The following CSMD3 variants were observed in gnomAD, a reference collection of about 807,000 sequenced individuals.
CSMD3 encodes CUB and sushi domain-containing protein 3.
Under a neutral mutation model 435.2 loss-of-function variants are expected in CSMD3, and 177 were observed. The observed-to-expected ratio is 0.41, with a 90% CI of 0.36 to 0.46. CSMD3 has a LOEUF of 0.46. CSMD3 is among the 20% of genes least tolerant of loss of function. CSMD3 has a pLI of 0.34. For synonymous variants in CSMD3, 1,656 were observed against 1,520.5 expected, an observed-to-expected ratio of 1.09 and a Z score of -2.07; for missense variants, 4,265 against 4,504.6, an observed-to-expected ratio of 0.95 and a Z score of 1.52.
chr8:113,037,192 G>C (rs189743261), intron 5 of CSMD3, among the ~76,000 whole-genome samples: 2 of 152,174 alleles, frequency 1.3e-5, no homozygotes, highest in African/African-American at 4.8e-5. Flanking sequence ...ACAATTTGTA[G>C]TGACATAATC....
intron 5 of CSMD3, among the ~76,000 whole-genome samples, chr8:113,060,829 G>A (rs1358892733): frequency 1.3e-5 from 2 of 152,048 alleles, no homozygotes; most frequent in African/African-American, 2.4e-5. Flanking sequence ...ACCCTGCATC[G>A]CAAATCAGCT....
chr8:112,638,906 G>A lies in CSMD3; in HGVS notation c.3316C>T (p.Gln1106Ter), dbSNP rs2131590229. The A allele has an allele frequency of 1.2e-6, 2 of 1,603,246 alleles. No individual in the cohort carries two copies. The highest frequency in any genetic ancestry group is 1.7e-6 in the Non-Finnish European group (2 of 1,170,452). The change falls in exon 21 of 71, where the codon CAG becomes TAG. Residue 1106 changes from glutamine to a stop codon, truncating the protein, a stop_gained. Coordinates refer to ENST00000297405, the MANE Select transcript of CSMD3 (RefSeq NM_198123.2). LOFTEE classifies it high-confidence loss of function. ...TVDVTHGKGV[Q>*]FNFHTFHLED... ...AAATGAAAAGTGTGGAAGTTGAACT[G>A]CACACCTATTAAGAAAAATAGAAAC...
At chr8:112,552,259 C>CAGG (rs77609310) in intron 26 of CSMD3, among the ~76,000 whole-genome samples, 37,227 of 151,718 alleles carry the variant, frequency 0.25, 4,843 homozygotes, top group East Asian at 0.47. Flanking sequence ...CTTTGGGAGG[C>CAGG]AGAATTGCTT....
chr8:112,358,266 A>G (rs918784715), intron 38 of CSMD3, among the ~76,000 whole-genome samples: 2 of 152,150 alleles, frequency 1.3e-5, no homozygotes, highest in Non-Finnish European at 2.9e-5. Context: ...TCTCGGAAGT[A>G]AACTGCTTTT....
At chr8:112,798,155 G>A (rs1433521736) in intron 13 of CSMD3, among the ~76,000 whole-genome samples, 1 of 151,864 alleles carries the variant, frequency 6.6e-6, no homozygotes, top group Non-Finnish European at 1.5e-5. Context: ...CTTGAAGGAT[G>A]AGCGAGAAGG....
chr8:113,076,560 CTTAA>C (rs1031871964), intron 5 of CSMD3, among the ~76,000 whole-genome samples: 20 of 152,040 alleles, frequency 1.3e-4, no homozygotes, highest in African/African-American at 4.3e-4. Context: ...TATTAAATCT[CTTAA>C]TTAAGATTAC....
intron 22 of CSMD3, among the ~76,000 whole-genome samples, chr8:112,597,508 C>T (rs1410553059): frequency 1.6e-5 from 2 of 124,088 alleles, no homozygotes; most frequent in Non-Finnish European, 3.3e-5. Context: ...TCCTCCCTAA[C>T]TCATTTTATG....
At chr8:112,893,821 A>G (rs1300496619) in intron 10 of CSMD3, among the ~76,000 whole-genome samples, 2 of 151,466 alleles carry the variant, frequency 1.3e-5, no homozygotes, top group Non-Finnish European at 3.0e-5. Context: ...TGTGTACTGT[A>G]CAAGTACAAG....
In CSMD3 at chr8:112,291,842, A is replaced by G; in HGVS notation, c.8789-147T>C. The G allele has an allele frequency of 4.8e-6, 3 of 629,328 alleles. No individual in the cohort carries two copies. The East Asian group carries it at 8.4e-5, about 18-fold the overall frequency. The allele number at this position is 629,328 out of a possible 1,614,324, so 39.0% of individuals were successfully genotyped here. On this transcript the variant is annotated intron_variant, in intron 55 of 70. Transcript: ENST00000297405. ...AATAATAAAATTAATCCCATGGATT[A>G]TCTAGAAAATGGACTGACATCTATG...
intron 5 of CSMD3, among the ~76,000 whole-genome samples, chr8:113,076,240 AT>A (rs2089331211): frequency 6.6e-6 from 1 of 151,564 alleles, no homozygotes; most frequent in African/African-American, 2.4e-5. Flanking sequence ...TAGATTAAGA[AT>A]TTGCATAGAC....
At chr8:113,206,287 T>C (rs1486241993) in intron 3 of CSMD3, among the ~76,000 whole-genome samples, 1 of 152,162 alleles carries the variant, frequency 6.6e-6, no homozygotes, top group Non-Finnish European at 1.5e-5. Flanking sequence ...TCATTTCACT[T>C]ACAAGTGGCT....
At chr8:112,934,060 G>A (rs752383590) in intron 9 of CSMD3, among the ~76,000 whole-genome samples, 2 of 152,132 alleles carry the variant, frequency 1.3e-5, no homozygotes, top group Non-Finnish European at 2.9e-5. Flanking sequence ...AATGTCTGCA[G>A]TGGGTACACA....
intron 10 of CSMD3, among the ~76,000 whole-genome samples, chr8:112,878,070 A>C (rs2081339281): frequency 6.6e-6 from 1 of 152,200 alleles, no homozygotes; most frequent in South Asian, 2.1e-4. Context: ...GACAAATGGG[A>C]TCTAATTAAA....
intron 13 of CSMD3, among the ~76,000 whole-genome samples, chr8:112,768,309 A>G (rs2078031366): frequency 1.3e-5 from 2 of 151,848 alleles, no homozygotes; most frequent in Admixed American, 6.6e-5. Context: ...GAGAGTTCGT[A>G]AAAACTAAAA....
rs372682794 is a variant in CSMD3 at position 113,098,935 on chromosome 8, T to C, written c.738A>G (p.Arg246=). The part of the protein sequence containing the change: ...RAEDACGGTM[R]GSSGIISSPS... The stretch of plus-strand genomic sequence containing the variant: ...GGCTGGATATGATGCCACTGGATCC[T>C]CTCATTGTTCCTCCACAAGCATCTT... The change falls in exon 5 of 71, where the codon AGA becomes AGG. Residue 246 remains arginine (R), a synonymous_variant. Transcript: ENST00000297405. 12 of 1,611,282 alleles carry C rather than the reference T, an allele frequency of 7.4e-6. No homozygotes were observed. Among genetic ancestry groups the C allele is most frequent in the Non-Finnish European group, 9.3e-6 (11 of 1,177,804 alleles).
At chr8:112,616,399 G>T (rs1833665174) in intron 22 of CSMD3, among the ~76,000 whole-genome samples, 1 of 152,020 alleles carries the variant, frequency 6.6e-6, no homozygotes, top group South Asian at 2.1e-4. Flanking sequence ...CATATATTGT[G>T]ATCTTCGAAC....
At chr8:112,936,970 T>G (rs2083297957) in intron 9 of CSMD3, among the ~76,000 whole-genome samples, 1 of 152,106 alleles carries the variant, frequency 6.6e-6, no homozygotes, top group Admixed American at 6.6e-5. Flanking sequence ...ACATTGCAAT[T>G]ACAGCTTGTT....
chr8:112,998,014 C>A (rs1036706829), intron 6 of CSMD3, among the ~76,000 whole-genome samples: 1 of 151,326 alleles, frequency 6.6e-6, no homozygotes, highest in African/African-American at 2.4e-5. Flanking sequence ...TTACTTTGAG[C>A]CCTACTCATG....
intron 9 of CSMD3, among the ~76,000 whole-genome samples, chr8:112,929,433 A>T (rs989537654): frequency 6.6e-6 from 1 of 152,130 alleles, no homozygotes; most frequent in African/African-American, 2.4e-5. Flanking sequence ...ACAACTATTA[A>T]AAATGTGAGA....
Sources: gnomAD v4.1 joint callset for allele counts (sites outside exome capture counted in the v4.1 genomes callset) on GRCh38, gnomAD v4.1.1 for gene constraint, MANE v1.5 for transcripts, NCBI Gene and HGNC (gene_info 2026-07-23, HGNC 2026-07-21) for gene names.